Variants in CAMTA1 observed in about 807,000 individuals in gnomAD.
CAMTA1 encodes the protein calmodulin binding transcription activator 1, also known as calmodulin-binding transcription activator 1.
In CAMTA1, 27 loss-of-function variants were observed where a neutral mutation model predicts 170.9. That is an observed-to-expected ratio of 0.16 (90% CI 0.12 to 0.22). The LOEUF (loss-of-function observed/expected upper bound fraction) is 0.22, where lower values mean the gene tolerates loss of function less well. CAMTA1 is among the 10% of genes least tolerant of loss of function. CAMTA1 has a pLI of 1.00. For synonymous variants in CAMTA1, 833 were observed against 891.5 expected, an observed-to-expected ratio of 0.93 and a Z score of 1.17; for missense variants, 1,619 against 2,217.2, an observed-to-expected ratio of 0.73 and a Z score of 5.42.
chr1:7,360,105 C>A (rs928862301), intron 5 of CAMTA1, among the ~76,000 whole-genome samples: 1 of 152,166 alleles, frequency 6.6e-6, no homozygotes, highest in African/African-American at 2.4e-5. Context: ...GTGTGTCCAA[C>A]CCCCACCTTT....
chr1:7,443,418 A>G lies in CAMTA1; in HGVS notation c.439-24412A>G, dbSNP rs1275056922. Among the ~76,000 whole-genome samples the G allele has an allele frequency of 1.3e-5, 2 of 152,298 alleles. No individual in the cohort carries two copies. Among genetic ancestry groups the G allele is most frequent in the East Asian group, 3.9e-4 (2 of 5,168 alleles). On this transcript the variant is annotated intron_variant, in intron 5 of 22. Transcript: ENST00000303635. The surrounding 1 kb of genome is among the most constrained non-coding windows in gnomAD (Gnocchi z 4.1). ...GGAGCACGTGGAGATGATGATAGCC[A>G]TGTCAGACGACAGCAGGGAGAGTGG...
rs60585573 is a variant in CAMTA1 at position 7,075,662 on chromosome 1, A to AT, written c.235-15624dup. Reference sequence around the variant, plus strand: ...CCGTGGTGCACTTTCAATCTCAGTGATTTTTTTTTTTTTTTTTTGAGACGG... The same window carrying AT: ...CCGTGGTGCACTTTCAATCTCAGTGATTTTTTTTTTTTTTTTTTTGAGACGG... On this transcript the variant is annotated intron_variant, in intron 3 of 22. Transcript: ENST00000303635. Among the ~76,000 whole-genome samples the AT allele has an allele frequency of 7.0e-3, 915 of 130,518 alleles. 9 individuals are homozygous for AT. Among genetic ancestry groups the AT allele is most frequent in the Middle Eastern group, 7.9e-3 (2 of 254 alleles). 85.6% of individuals were successfully genotyped at this position (130,518 alleles called of 152,430 possible).
At chr1:6,883,297 C>G (rs1179735607) in intron 3 of CAMTA1, among the ~76,000 whole-genome samples, 1 of 151,510 alleles carries the variant, frequency 6.6e-6, no homozygotes, top group African/African-American at 2.4e-5. Context: ...GCGGGGCGAT[C>G]GTTGGTGACT....
chr1:7,573,764 G>T (rs2095154280), intron 6 of CAMTA1, among the ~76,000 whole-genome samples: 1 of 152,026 alleles, frequency 6.6e-6, no homozygotes, highest in Admixed American at 6.5e-5. Flanking sequence ...CGTTTTTTGG[G>T]TTTTTTTGGG....
chr1:7,586,836 G>A (rs1272427040), intron 6 of CAMTA1, among the ~76,000 whole-genome samples: 2 of 152,036 alleles, frequency 1.3e-5, no homozygotes, highest in African/African-American at 2.4e-5. Flanking sequence ...CGGTGGCTGC[G>A]GTGGAACTGA....
At chr1:7,423,195 G>C (rs1280946601) in intron 5 of CAMTA1, among the ~76,000 whole-genome samples, 1 of 152,198 alleles carries the variant, frequency 6.6e-6, no homozygotes, top group African/African-American at 2.4e-5. Flanking sequence ...ACAGGGCCAG[G>C]CGTGGTGGCT....
chr1:7,154,180 G>C (rs1646735575), intron 4 of CAMTA1, among the ~76,000 whole-genome samples: 1 of 152,130 alleles, frequency 6.6e-6, no homozygotes, highest in South Asian at 2.1e-4. Flanking sequence ...GGGAGATGCT[G>C]GGATCCACCC....
chr1:7,157,269 C>T (rs1466881750), intron 4 of CAMTA1, among the ~76,000 whole-genome samples: 8 of 138,386 alleles, frequency 5.8e-5, no homozygotes, highest in South Asian at 4.8e-4. Context: ...GGCGTGAACC[C>T]GGGAGGCAGA....
intron 6 of CAMTA1, among the ~76,000 whole-genome samples, chr1:7,505,631 G>T (rs775274158): frequency 2.0e-5 from 3 of 152,142 alleles, no homozygotes; most frequent in Admixed American, 6.5e-5. Flanking sequence ...TGGTCAGGTG[G>T]GGGGACCAGG....
At chr1:7,378,813 G>A (rs1056231837) in intron 5 of CAMTA1, among the ~76,000 whole-genome samples, 5 of 152,140 alleles carry the variant, frequency 3.3e-5, no homozygotes, top group Admixed American at 2.0e-4. Context: ...TAAACTATGG[G>A]GCTGGTGGGG....
chr1:7,581,101 C>T (rs1215492890), intron 6 of CAMTA1, among the ~76,000 whole-genome samples: 4 of 152,194 alleles, frequency 2.6e-5, no homozygotes, highest in South Asian at 2.1e-4. Context: ...TGAGGGCCCC[C>T]GCCCCTCCTC....
chr1:6,976,533 A>G (rs1250966948), intron 3 of CAMTA1, among the ~76,000 whole-genome samples: 1 of 152,204 alleles, frequency 6.6e-6, no homozygotes, highest in South Asian at 2.1e-4. Flanking sequence ...TACCTTTCAG[A>G]GAGAGCAGAT....
Position 7,670,908 on chromosome 1 carries a change from C to A in CAMTA1, c.2653-3C>A, listed in dbSNP as rs1209181981. 1 of 1,613,450 alleles carries A rather than the reference C, an allele frequency of 6.2e-7. No homozygotes were observed. The highest frequency in any genetic ancestry group is 1.3e-5 in the African/African-American group (1 of 74,940). Reference sequence around the variant, plus strand: ...ACTCTGTTCCCCTCTCTGTTCTCTGCAGGGAGGAGTGAAGGTCCTCATCAC... The same window carrying A: ...ACTCTGTTCCCCTCTCTGTTCTCTGAAGGGAGGAGTGAAGGTCCTCATCAC... On this transcript the variant is annotated splice_polypyrimidine_tract_variant and splice_region_variant and intron_variant, in intron 9 of 22. Coordinates refer to ENST00000303635, the MANE Select transcript of CAMTA1 (RefSeq NM_015215.4).
At chr1:7,544,332 G>A (rs11120968) in intron 6 of CAMTA1, among the ~76,000 whole-genome samples, 54,834 of 152,066 alleles carry the variant, frequency 0.36, 9,989 homozygotes, top group South Asian at 0.38. Flanking sequence ...ATTATCTCCC[G>A]CCAGGTCCCT....
chr1:7,575,707 A>T (rs954445385), intron 6 of CAMTA1, among the ~76,000 whole-genome samples: 1 of 151,062 alleles, frequency 6.6e-6, no homozygotes, highest in Admixed American at 6.6e-5. Flanking sequence ...GTGATTGATT[A>T]GTAATGTCTG....
intron 5 of CAMTA1, among the ~76,000 whole-genome samples, chr1:7,460,251 C>T (rs1445347539): frequency 6.6e-6 from 1 of 152,268 alleles, no homozygotes; most frequent in Non-Finnish European, 1.5e-5. Context: ...AATTCCCTCT[C>T]ACCTTTTTTG....
chr1:7,515,627 C>A (rs186629852), intron 6 of CAMTA1, among the ~76,000 whole-genome samples: 3 of 152,236 alleles, frequency 2.0e-5, no homozygotes, highest in South Asian at 2.1e-4. Flanking sequence ...TATTCCACCC[C>A]CCGGGCAGCT....
rs952496944 is a variant in CAMTA1 at position 7,674,382 on chromosome 1, G to A, written c.2780-3217G>A. Among the ~76,000 whole-genome samples the A allele has an allele frequency of 2.0e-5, 3 of 152,124 alleles. No homozygotes were observed. The highest frequency in any genetic ancestry group is 4.8e-5 in the African/African-American group (2 of 41,430). ...AGAGGAGGTGCTGGGGAAAAGAGGC[G>A]ACTCAGGCTTGGGAGAAGATAGGGG... On this transcript the variant is annotated intron_variant, in intron 10 of 22. Transcript: ENST00000303635. The surrounding 1 kb of genome is among the most constrained non-coding windows in gnomAD (Gnocchi z 4.1).
intron 3 of CAMTA1, among the ~76,000 whole-genome samples, chr1:7,068,598 T>G (rs1357322040): frequency 6.6e-6 from 1 of 152,050 alleles, no homozygotes; most frequent in African/African-American, 2.4e-5. Context: ...TGTTTTTTAT[T>G]GAAAAATCCA....
Sources: gnomAD v4.1 joint callset for allele counts (sites outside exome capture counted in the v4.1 genomes callset) on GRCh38, gnomAD v4.1.1 for gene constraint, Gnocchi (gnomAD v3.1) non-coding constraint, MANE v1.5 for transcripts, NCBI Gene and HGNC (gene_info 2026-07-23, HGNC 2026-07-21) for gene names.